ZPBP: variants seen among roughly 807,000 people sequenced by gnomAD.
ZPBP encodes zona pellucida-binding protein 1.
ZPBP carries 26 observed loss-of-function variants against 44.8 expected under a neutral mutation model. The observed-to-expected ratio is 0.58, with a 90% confidence interval of 0.43 to 0.81. ZPBP has a LOEUF of 0.81. Ranked by LOEUF, ZPBP falls within the 30% of genes least tolerant of loss-of-function variation. ZPBP has a pLI of 0.00. For synonymous variants in ZPBP, 174 were observed against 153.2 expected, an observed-to-expected ratio of 1.14 and a Z score of -1.00; for missense variants, 409 against 434.0, an observed-to-expected ratio of 0.94 and a Z score of 0.51.
chr7:50,075,950 A>C (rs146342288), intron 3 of ZPBP, among the ~76,000 whole-genome samples: 104 of 152,040 alleles, frequency 6.8e-4, no homozygotes, highest in Middle Eastern at 3.4e-3. Flanking sequence ...AACACATCAT[A>C]AAAAGAAAAC....
chr7:49,935,523 T>C (rs1983161), downstream of ZPBP, among the ~76,000 whole-genome samples: 118,122 of 151,906 alleles, frequency 0.78, 46,101 homozygotes, highest in East Asian at 0.89. Context: ...CTCAGCCTCC[T>C]GAGTAGCTGG....
intron 6 of ZPBP, among the ~76,000 whole-genome samples, chr7:50,013,318 A>G (rs1031132380): frequency 5.9e-5 from 9 of 151,984 alleles, no homozygotes; most frequent in African/African-American, 2.2e-4. Flanking sequence ...AAGGCATCAC[A>G]TTTCTCTGAC....
At chr7:49,948,585 T>C (rs889994310) in intron 7 of ZPBP, among the ~76,000 whole-genome samples, 37 of 152,012 alleles carry the variant, frequency 2.4e-4, no homozygotes, top group Non-Finnish European at 2.4e-4. Context: ...CCAAAGAAGA[T>C]ACACAAATGG....
chr7:49,937,902 T>C (rs1221789045), intron 7 of ZPBP, among the ~76,000 whole-genome samples: 2 of 152,176 alleles, frequency 1.3e-5, no homozygotes, highest in Non-Finnish European at 2.9e-5. Flanking sequence ...AAGTTTTAAT[T>C]ATTTACTCTG....
intron 4 of ZPBP, among the ~76,000 whole-genome samples, chr7:50,049,510 A>G (rs144631273): frequency 6.6e-6 from 1 of 152,200 alleles, no homozygotes; most frequent in African/African-American, 2.4e-5. Context: ...TAATATTTAA[A>G]AAATCAATTC....
At chr7:50,077,548 A>G (rs1311277030) in intron 3 of ZPBP, among the ~76,000 whole-genome samples, 2 of 151,728 alleles carry the variant, frequency 1.3e-5, no homozygotes, top group Non-Finnish European at 3.0e-5. Flanking sequence ...CAACTATAGG[A>G]AAAAAAACTA....
chr7:49,911,145 C>T (rs868003607), intron 1 of ZPBP, among the ~76,000 whole-genome samples: 4 of 151,878 alleles, frequency 2.6e-5, no homozygotes, highest in Admixed American at 1.3e-4. Flanking sequence ...GATTTTAGCC[C>T]CAAAATGGAA....
chr7:50,070,556 T>C (rs776887019), intron 3 of ZPBP, among the ~76,000 whole-genome samples: 1 of 152,214 alleles, frequency 6.6e-6, no homozygotes, highest in Non-Finnish European at 1.5e-5. Context: ...AGTAAATCTG[T>C]CATCTTCAAC....
At chr7:49,954,684 T>C (rs1795494752) in intron 7 of ZPBP, among the ~76,000 whole-genome samples, 2 of 152,040 alleles carry the variant, frequency 1.3e-5, no homozygotes, top group African/African-American at 2.4e-5. Context: ...CAGGAAAAAA[T>C]AGCAATTCTA....
intron 2 of ZPBP, among the ~76,000 whole-genome samples, chr7:49,882,357 A>G (rs1057404546): frequency 3.9e-5 from 6 of 152,200 alleles, no homozygotes; most frequent in Non-Finnish European, 7.4e-5. Flanking sequence ...AAAAAGAAAA[A>G]CATATCAGTA....
chr7:50,050,680 T>C (rs112359556), intron 4 of ZPBP, among the ~76,000 whole-genome samples: 1 of 148,076 alleles, frequency 6.8e-6, no homozygotes, highest in Non-Finnish European at 1.5e-5. Flanking sequence ...GCTAGCCATA[T>C]GCAGAAAATT....
At chr7:49,940,560 G>T (rs1254157763) in intron 7 of ZPBP, among the ~76,000 whole-genome samples, 1 of 148,640 alleles carries the variant, frequency 6.7e-6, no homozygotes, top group African/African-American at 2.5e-5. Context: ...ATTCCCCCAT[G>T]AAAACATTAA....
At chr7:49,984,648 G>A (rs1257528663) in intron 6 of ZPBP, among the ~76,000 whole-genome samples, 4 of 152,212 alleles carry the variant, frequency 2.6e-5, no homozygotes, top group Middle Eastern at 3.4e-3. Context: ...GACAGGAAGC[G>A]GGGCTCAGGC....
chr7:50,076,506 T>C (rs1415557330), intron 3 of ZPBP, among the ~76,000 whole-genome samples: 1 of 151,928 alleles, frequency 6.6e-6, no homozygotes, highest in Non-Finnish European at 1.5e-5. Flanking sequence ...ATCTTATATT[T>C]GGAAAAACCT....
At chr7:50,060,974 G>C (rs1009911442) in intron 3 of ZPBP, among the ~76,000 whole-genome samples, 1 of 152,126 alleles carries the variant, frequency 6.6e-6, no homozygotes, top group Non-Finnish European at 1.5e-5. Context: ...CAATCAAGTA[G>C]GGTTTATCCC....
intron 3 of ZPBP, among the ~76,000 whole-genome samples, chr7:50,061,995 T>A (rs915549570): frequency 1.3e-5 from 2 of 152,162 alleles, no homozygotes; most frequent in African/African-American, 4.8e-5. Flanking sequence ...ACAAAATCAA[T>A]GTATAAAAAT....
At position 49,943,712 on chromosome 7, in the gene ZPBP, A is replaced by C. The variant is rs187453334; in HGVS notation, c.962-6090T>G. 521 of 254,346 alleles carry C rather than the reference A, an allele frequency of 2.0e-3. 2 individuals carry two copies. The highest frequency in any genetic ancestry group is 2.4e-3 in the Non-Finnish European group (310 of 130,014). The allele number at this position is 254,346 out of a possible 1,614,324, so 15.8% of individuals were successfully genotyped here. ...TGTTCCCAGGGTTTATTCTTTTTCA[A>C]GTATGGCTCAAGGCTCAATGTGACG... is the stretch of plus-strand genomic sequence containing the variant. On this transcript the variant is annotated intron_variant, in intron 7 of 7. Coordinates refer to ENST00000046087, the MANE Select transcript of ZPBP (RefSeq NM_007009.3).
At chr7:49,898,195 T>C (rs1358860071) in intron 2 of ZPBP, among the ~76,000 whole-genome samples, 1 of 152,082 alleles carries the variant, frequency 6.6e-6, no homozygotes. Context: ...TGTGTGTGTA[T>C]ATATGTATGC....
Position 49,879,420 on chromosome 7 carries a change from G to A in ZPBP, n.509+21698C>T, listed in dbSNP as rs190070599. Among the ~76,000 whole-genome samples, 9 of 152,176 alleles carry A rather than the reference G, an allele frequency of 5.9e-5. No individual in the cohort carries two copies. The East Asian group carries it at 1.5e-3, about 26-fold the overall frequency. ...GACTAAAGATGCCATTATCTTATCC[G>A]GAGAGGGTTTATATGTGCAGGTACC... On this transcript the variant is annotated intron_variant and non_coding_transcript_variant, in intron 2 of 2. Transcript: ENST00000465922.
Sources: gnomAD v4.1 joint callset for allele counts (sites outside exome capture counted in the v4.1 genomes callset) on GRCh38, gnomAD v4.1.1 for gene constraint, MANE v1.5 for transcripts, NCBI Gene and HGNC (gene_info 2026-07-23, HGNC 2026-07-21) for gene names.